The following FCHO1 variants were observed in gnomAD, a reference collection of about 807,000 sequenced individuals.
FCHO1 encodes F-BAR domain only protein 1.
A neutral mutation model predicts 114.4 loss-of-function variants in FCHO1; 45 were observed. The observed-to-expected ratio is 0.39, with a 90% CI of 0.31 to 0.50. FCHO1 has a LOEUF of 0.50. Among genes scored for constraint, FCHO1 ranks in the 20% least tolerant of loss-of-function variants. FCHO1 has a pLI of 0.77. For missense variants in FCHO1, 1,042 were observed against 1,209.6 expected (o/e 0.86, Z 2.06); for synonymous variants, 480 against 488.9 (o/e 0.98, Z 0.24).
intron 20 of FCHO1, among the ~76,000 whole-genome samples, chr19:17,780,258 A>G (rs1014136070): frequency 2.1e-5 from 3 of 139,882 alleles, no homozygotes; most frequent in African/African-American, 8.0e-5. Flanking sequence ...TCTGCCTCCC[A>G]GGTTCAAACA....
At chr19:17,759,170 T>C (rs1849852086) in intron 4 of FCHO1, among the ~76,000 whole-genome samples, 1 of 150,728 alleles carries the variant, frequency 6.6e-6, no homozygotes, top group African/African-American at 2.4e-5. Context: ...AGTGTTATTA[T>C]AAGACCTGAT....
At chr19:17,748,382 G>A (rs1348736093), upstream of FCHO1, among the ~76,000 whole-genome samples, 1 of 152,090 alleles carries the variant, frequency 6.6e-6, no homozygotes, top group Non-Finnish European at 1.5e-5. Context: ...ATGGGGTGGG[G>A]GGCGTTTCAC....
upstream of FCHO1, among the ~76,000 whole-genome samples, chr19:17,750,886 G>A (rs549870492): frequency 2.1e-5 from 3 of 144,206 alleles, no homozygotes; most frequent in East Asian, 2.0e-4. Context: ...GTGCAGTGGC[G>A]CAATCTCGGC....
At chr19:17,751,208 C>T (rs910710769), upstream of FCHO1, among the ~76,000 whole-genome samples, 1 of 152,156 alleles carries the variant, frequency 6.6e-6, no homozygotes, top group South Asian at 2.1e-4. The surrounding 1 kb of genome is among the most constrained non-coding windows in gnomAD (Gnocchi z 4.4). Context: ...AAGTGGGTAT[C>T]GGCCTACCTC....
In FCHO1 at chr19:17,779,070, G is replaced by A. The variant is rs550550747; in HGVS notation, c.1627+186G>A. Among the ~76,000 whole-genome samples, 3 of 152,216 alleles carry A rather than the reference G, an allele frequency of 2.0e-5. No homozygotes were observed. In the East Asian group the frequency reaches 5.8e-4, roughly 30 times the overall value. On this transcript the variant is annotated intron_variant, in intron 20 of 28. Transcript: ENST00000596536. ...CAAGGCAGGCGGTAGCGGGTGCCAGGTGGGGGCCCTCCCTGAGGAAGGGAC... is the reference window on the plus strand; with the variant it reads ...CAAGGCAGGCGGTAGCGGGTGCCAGATGGGGGCCCTCCCTGAGGAAGGGAC...
Position 17,784,981 on chromosome 19 carries a change from C to G in FCHO1, c.2426+57C>G. ...AGCAGTTTCCCCCATAACCCCAGACCTTCTCCCTGATGCATTGATTAAAGG... is the reference window on the plus strand; with the variant it reads ...AGCAGTTTCCCCCATAACCCCAGACGTTCTCCCTGATGCATTGATTAAAGG... On this transcript the variant is annotated intron_variant, in intron 26 of 28. Coordinates refer to ENST00000596536, the MANE Select transcript of FCHO1 (RefSeq NM_015122.3). The surrounding 1 kb of genome is among the most constrained non-coding windows in gnomAD (Gnocchi z 5.3). The G allele has an allele frequency of 6.4e-7, 1 of 1,552,668 alleles. No individual in the cohort carries two copies. Among genetic ancestry groups the G allele is most frequent in the Non-Finnish European group, 8.8e-7 (1 of 1,139,664 alleles).
chr19:17,763,735 AT>A (rs537627843), intron 5 of FCHO1, among the ~76,000 whole-genome samples: 11 of 150,602 alleles, frequency 7.3e-5, no homozygotes, highest in Non-Finnish European at 1.5e-4. Flanking sequence ...GTTAAAAAAA[AT>A]TTTTTTTGTA....
At chr19:17,783,655 A>G (rs1239895560) in intron 24 of FCHO1, among the ~76,000 whole-genome samples, 2 of 150,568 alleles carry the variant, frequency 1.3e-5, no homozygotes, top group Non-Finnish European at 3.0e-5. Context: ...ATCTCGGCTC[A>G]CTGCAAGCTC....
chr19:17,761,458 A>G (rs1383569787), intron 4 of FCHO1, among the ~76,000 whole-genome samples: 2 of 150,390 alleles, frequency 1.3e-5, no homozygotes, highest in East Asian at 1.9e-4. Context: ...CTTTTCAGCT[A>G]TATTTTATTA....
At chr19:17,765,990 G>A (rs1276555517) in intron 6 of FCHO1, among the ~76,000 whole-genome samples, 8 of 141,816 alleles carry the variant, frequency 5.6e-5, no homozygotes, top group African/African-American at 7.8e-5. Context: ...CTGGGTTCAC[G>A]CCATTCTCCT....
Position 17,784,198 on chromosome 19 carries a change from C to A in FCHO1, c.2189C>A (p.Thr730Asn). Residue 730 changes from threonine to asparagine, a missense_variant, in exon 25 of 29, where the codon ACT (threonine) becomes AAT (asparagine). Coordinates refer to ENST00000596536, the MANE Select transcript of FCHO1 (RefSeq NM_015122.3). The surrounding 1 kb of genome is among the most constrained non-coding windows in gnomAD (Gnocchi z 5.3). ...ALQRQAEQNP[T>N]ASYYNVVLLR... ...CAGCGCCAGGCAGAGCAGAACCCCA[C>A]TGCCTCCTACTACAACGTGGTGCTG... 6.2e-7 allele frequency: 1 copy of A among 1,613,322 alleles called. No individual in the cohort carries two copies. Among genetic ancestry groups the A allele is most frequent in the Non-Finnish European group, 8.5e-7 (1 of 1,179,684 alleles).
At chr19:17,769,367 G>T (rs1422464183) in intron 7 of FCHO1, among the ~76,000 whole-genome samples, 2 of 151,394 alleles carry the variant, frequency 1.3e-5, no homozygotes, top group Admixed American at 6.6e-5. Context: ...ACGAGGTCAG[G>T]AGATCGAGAC....
At position 17,776,355 on chromosome 19, in the gene FCHO1, G is replaced by A. The variant is rs2147135930; in HGVS notation, c.1207+84G>A. Reference sequence around the variant, plus strand: ...TGGGCTTGAATCATAACTCCGTTTTGTAACTTTGGGCAGGCTGCTTAACCA... The same window carrying A: ...TGGGCTTGAATCATAACTCCGTTTTATAACTTTGGGCAGGCTGCTTAACCA... On this transcript the variant is annotated intron_variant, in intron 17 of 28. Transcript: ENST00000596536. The surrounding 1 kb of genome is among the most constrained non-coding windows in gnomAD (Gnocchi z 4.4). 2.6e-6 allele frequency: 4 copies of A among 1,557,580 alleles called. No individual in the cohort carries two copies. The highest frequency in any genetic ancestry group is 2.7e-6 in the Non-Finnish European group (3 of 1,128,728).
rs988047786 is a variant in FCHO1 at position 17,787,974 on chromosome 19, A to G, written c.2647+128A>G. 40 of 1,192,578 alleles carry G rather than the reference A, an allele frequency of 3.4e-5. No individual in the cohort carries two copies. In the East Asian group the frequency reaches 9.7e-4, roughly 29 times the overall value. 73.9% of individuals were successfully genotyped at this position (1,192,578 alleles called of 1,614,324 possible). ...GATAGGTGGGTGTTGGGGCCAGGAG[A>G]CCCCAGATGGGGGGCACAGGTGGGC... On this transcript the variant is annotated intron_variant, in intron 28 of 28. Transcript: ENST00000596536.
intron 13 of FCHO1, 108 bp downstream of exon 13, chr19:17,774,586 T>A: frequency 1.2e-6 from 1 of 856,222 alleles, no homozygotes; most frequent in Admixed American, 2.5e-5. Context: ...GTATCCATAT[T>A]CCAGGCTGGA....
chr19:17,771,375 A>G (rs1341171508), intron 9 of FCHO1, among the ~76,000 whole-genome samples: 2 of 150,494 alleles, frequency 1.3e-5, no homozygotes, highest in Non-Finnish European at 3.0e-5. Flanking sequence ...AAAAAAGAAA[A>G]GAAAAGAAAA....
At position 17,787,673 on chromosome 19, in the gene FCHO1, T is replaced by G; in HGVS notation, c.2483-9T>G. ...GTGCCAGGGCGCAGCTGACTGCAGG[T>G]CTCCCCAGGTTCTGGCCGCCTCTCT... On this transcript the variant is annotated splice_polypyrimidine_tract_variant and intron_variant, in intron 27 of 28. Coordinates refer to ENST00000596536, the MANE Select transcript of FCHO1 (RefSeq NM_015122.3). The G allele has an allele frequency of 6.5e-7, 1 of 1,549,058 alleles. No homozygotes were observed. The highest frequency in any genetic ancestry group is 8.7e-7 in the Non-Finnish European group (1 of 1,146,088).
Position 17,788,348 on chromosome 19 carries a change from T to C in FCHO1, c.*42T>C. 2.8e-6 allele frequency: 4 copies of C among 1,439,874 alleles called. No individual in the cohort carries two copies. Among genetic ancestry groups the C allele is most frequent in the Non-Finnish European group, 3.8e-6 (4 of 1,065,118 alleles). 89.2% of individuals were successfully genotyped at this position (1,439,874 alleles called of 1,614,324 possible). A position where few individuals can be genotyped will look rare whatever the true frequency, so the allele number is the denominator to read the frequency against. On this transcript the variant is annotated 3_prime_UTR_variant, in exon 29 of 29. Transcript: ENST00000596536. The stretch of plus-strand genomic sequence containing the variant: ...GCCCCAGCTCTACACTGCGCCCTGG[T>C]GCTGGCTGACCACCCCCTGCCCTCC...
At position 17,784,883 on chromosome 19, in the gene FCHO1, G is replaced by A; in HGVS notation, c.2385G>A (p.Gly795=). The change falls in exon 26 of 29, where the codon GGG becomes GGA. Residue 795 remains glycine, a synonymous_variant. Transcript: ENST00000596536. The surrounding 1 kb of genome is among the most constrained non-coding windows in gnomAD (Gnocchi z 5.3). ...ACGTCCAGATCCTGCTGCCTGTGGG[G>A]GAGCCTGTGACCAACGTCCGCTTGC... The part of the protein sequence containing the change: ...LTNVQILLPV[G]EPVTNVRLQP... The A allele has an allele frequency of 6.2e-7, 1 of 1,613,390 alleles. No individual in the cohort carries two copies. The highest frequency in any genetic ancestry group is 8.5e-7 in the Non-Finnish European group (1 of 1,180,030).
Sources: allele counts gnomAD v4.1 joint callset (sites outside exome capture counted in the v4.1 genomes callset), GRCh38; gene constraint gnomAD v4.1.1; non-coding constraint Gnocchi (gnomAD v3.1); transcripts MANE v1.5; gene names NCBI Gene and HGNC (gene_info 2026-07-23, HGNC 2026-07-21).